CTNNA2: variants seen among roughly 807,000 people sequenced by gnomAD.
CTNNA2 encodes catenin alpha 2.
Under a neutral mutation model 101.0 loss-of-function variants are expected in CTNNA2, and 42 were observed. That is an observed-to-expected ratio of 0.42 (90% confidence interval 0.32 to 0.54). CTNNA2 has a LOEUF of 0.54. CTNNA2 is among the 20% of genes least tolerant of loss of function. The pLI, the probability that CTNNA2 is intolerant of heterozygous loss-of-function variation, is 0.14. For synonymous variants in CTNNA2, 450 were observed against 456.4 expected, an observed-to-expected ratio of 0.99 and a Z score of 0.18; for missense variants, 871 against 1,223.1, an observed-to-expected ratio of 0.71 and a Z score of 4.29.
intron 7 of CTNNA2, among the ~76,000 whole-genome samples, chr2:80,172,392 T>G (rs1705121640): frequency 6.6e-6 from 1 of 152,158 alleles, no homozygotes; most frequent in Non-Finnish European, 1.5e-5. Context: ...GTTTGTTCCT[T>G]TAACCGATAC....
At chr2:80,631,225 A>T (rs1366276701) in intron 18 of CTNNA2, among the ~76,000 whole-genome samples, 1 of 152,132 alleles carries the variant, frequency 6.6e-6, no homozygotes, top group African/African-American at 2.4e-5. Context: ...GTATCATACC[A>T]TCTCCAGCCC....
intron 4 of CTNNA2, among the ~76,000 whole-genome samples, chr2:79,472,674 T>C (rs1671012408): frequency 6.6e-6 from 1 of 152,194 alleles, no homozygotes; most frequent in Non-Finnish European, 1.5e-5. Context: ...CTTATCAAAC[T>C]GTCAATTGGC....
At chr2:80,541,937 T>C (rs1356774773) in intron 9 of CTNNA2, among the ~76,000 whole-genome samples, 1 of 110,764 alleles carries the variant, frequency 9.0e-6, no homozygotes, top group Non-Finnish European at 1.9e-5. Context: ...AAGTAAAGAA[T>C]GTGTAATGAA....
intron 9 of CTNNA2, among the ~76,000 whole-genome samples, chr2:80,469,570 T>C (rs1008220091): frequency 1.3e-5 from 2 of 152,208 alleles, no homozygotes; most frequent in African/African-American, 4.8e-5. Flanking sequence ...GCTTTCTTGC[T>C]GAACACTGAA....
chr2:79,864,297 G>T (rs1185802063), intron 4 of CTNNA2, among the ~76,000 whole-genome samples: 1 of 152,142 alleles, frequency 6.6e-6, no homozygotes, highest in African/African-American at 2.4e-5. Flanking sequence ...AAGAACAAAG[G>T]CATGAGATTA....
At chr2:79,722,950 C>T (rs529837319) in intron 2 of CTNNA2, among the ~76,000 whole-genome samples, 3 of 151,956 alleles carry the variant, frequency 2.0e-5, no homozygotes, top group Non-Finnish European at 4.4e-5. Flanking sequence ...AAGTGAACCA[C>T]CTTTTTATTT....
rs184701798 is a variant in CTNNA2, at chr2:80,412,367, G to C, written c.1138-7082G>C. Among the ~76,000 whole-genome samples the C allele has an allele frequency of 1.5e-3, 234 of 152,294 alleles. 2 individuals carry two copies. Among genetic ancestry groups the C allele is most frequent in the Middle Eastern group, 6.8e-3 (2 of 294 alleles). On this transcript the variant is annotated intron_variant, in intron 8 of 18. Coordinates refer to ENST00000402739, the MANE Select transcript of CTNNA2 (RefSeq NM_001282597.3). ...TCTTTGTTATAACATTTTAAGTAAA[G>C]CATTTGTTTAATCTATACAAATAGT... is the stretch of plus-strand genomic sequence containing the variant.
At chr2:79,639,021 A>G (rs1403606405) in intron 1 of CTNNA2, among the ~76,000 whole-genome samples, 1 of 152,150 alleles carries the variant, frequency 6.6e-6, no homozygotes, top group Non-Finnish European at 1.5e-5. Context: ...TTATTTTCCC[A>G]TTACTCTGTT....
chr2:80,251,834 C>G (rs989425815), intron 7 of CTNNA2, among the ~76,000 whole-genome samples: 21 of 152,174 alleles, frequency 1.4e-4, no homozygotes, highest in African/African-American at 4.3e-4. Flanking sequence ...TTTCCTCTTT[C>G]TGGTGGAGTC....
chr2:79,493,789 C>T (rs1671227872), intron 4 of CTNNA2: 1 of 152,200 alleles, frequency 6.6e-6, no homozygotes, highest in Admixed American at 6.5e-5. Context: ...TAAGAAGACA[C>T]CTTGGCTTTT....
chr2:80,167,570 C>G (rs1325613038), intron 7 of CTNNA2, among the ~76,000 whole-genome samples: 1 of 152,144 alleles, frequency 6.6e-6, no homozygotes, highest in Non-Finnish European at 1.5e-5. Flanking sequence ...ATTTGTTTCC[C>G]TCATAACTGT....
chr2:79,527,570 A>C (rs1287248948), intron 1 of CTNNA2, among the ~76,000 whole-genome samples: 2 of 151,444 alleles, frequency 1.3e-5, no homozygotes, highest in Non-Finnish European at 2.9e-5. Flanking sequence ...GCTTGAACCC[A>C]GGAGGCGGAG....
Position 79,488,246 on chromosome 2 carries a change from A to T in CTNNA2, c.-134-16808A>T, listed in dbSNP as rs567921469. On this transcript the variant is annotated intron_variant, in intron 4 of 21. Transcript: ENST00000466387. The stretch of plus-strand genomic sequence containing the variant: ...GACAGGAGAATCACTTGAATTCGGG[A>T]GGCAGTGTTTGTGGTGAGCTGAGAT... Among the ~76,000 whole-genome samples the T allele has an allele frequency of 2.8e-5, 4 of 141,030 alleles. No individual in the cohort carries two copies. The South Asian group carries it at 9.9e-4, about 35-fold the overall frequency. 92.5% of individuals were successfully genotyped at this position (141,030 alleles called of 152,430 possible).
chr2:80,405,880 A>G (rs2149386246), intron 8 of CTNNA2, among the ~76,000 whole-genome samples: 1 of 152,268 alleles, frequency 6.6e-6, no homozygotes, highest in Admixed American at 6.5e-5. Flanking sequence ...TCAGTCCCAG[A>G]CCCATCTTCT....
chr2:79,275,805 T>G (rs1233276438), intron 2 of CTNNA2, among the ~76,000 whole-genome samples: 1 of 151,916 alleles, frequency 6.6e-6, no homozygotes, highest in African/African-American at 2.4e-5. Flanking sequence ...AGTCCAGCAG[T>G]AAACAAATTA....
At chr2:79,818,632 A>C (rs1677724286) in intron 3 of CTNNA2, among the ~76,000 whole-genome samples, 1 of 151,644 alleles carries the variant, frequency 6.6e-6, no homozygotes, top group African/African-American at 2.4e-5. Context: ...TACCTTTAAA[A>C]GACTGTTAAT....
rs1344471698 is a variant in CTNNA2, at chr2:80,075,622, A to ATTTTAT, written c.1056+165825_1056+165826insTTTTAT. On this transcript the variant is annotated intron_variant, in intron 7 of 18. Transcript: ENST00000402739. ...TAAATATTTATACATGTATAAATAT[A>ATTTTAT]AATATTTATACATGTATAAATATTA... Among the ~76,000 whole-genome samples the ATTTTAT allele has an allele frequency of 8.2e-3, 456 of 55,606 alleles. 15 individuals carry two copies. Among genetic ancestry groups the ATTTTAT allele is most frequent in the Middle Eastern group, 0.026 (4 of 156 alleles). The allele number at this position is 55,606 out of a possible 152,430, so 36.5% of individuals were successfully genotyped here. A position where few individuals can be genotyped will look rare whatever the true frequency, so the allele number is the denominator to read the frequency against.
chr2:79,818,037 C>A (rs1200422055), intron 3 of CTNNA2, among the ~76,000 whole-genome samples: 2 of 152,170 alleles, frequency 1.3e-5, no homozygotes, highest in African/African-American at 4.8e-5. Flanking sequence ...AGCCTCATTA[C>A]TTCCAAGGTT....
At chr2:80,001,150 T>C (rs1186176395) in intron 7 of CTNNA2, among the ~76,000 whole-genome samples, 1 of 152,240 alleles carries the variant, frequency 6.6e-6, no homozygotes, top group East Asian at 1.9e-4. Context: ...GTAAAATATT[T>C]AAACTATCAG....
Sources: allele counts gnomAD v4.1 joint callset (sites outside exome capture counted in the v4.1 genomes callset), GRCh38; gene constraint gnomAD v4.1.1; transcripts MANE v1.5; gene names NCBI Gene and HGNC (gene_info 2026-07-23, HGNC 2026-07-21).